ITGA11: variants seen among roughly 807,000 people sequenced by gnomAD.
The protein encoded by ITGA11 is integrin subunit alpha 11, also known as integrin alpha-11.
A neutral mutation model predicts 141.9 loss-of-function variants in ITGA11; 97 were observed. That is an observed-to-expected ratio of 0.68 (90% CI 0.58 to 0.81). The LOEUF (loss-of-function observed/expected upper bound fraction) is 0.81. Ranked by LOEUF, ITGA11 falls within the 30% of genes least tolerant of loss-of-function variation. The pLI is 0.00. For synonymous variants in ITGA11, 658 were observed against 624.6 expected (o/e 1.05, Z -0.80); for missense variants, 1,387 against 1,559.2 (o/e 0.89, Z 1.86).
intron 2 of ITGA11, among the ~76,000 whole-genome samples, chr15:68,394,131 G>A (rs560568864): frequency 2.0e-5 from 3 of 152,186 alleles, no homozygotes; most frequent in East Asian, 3.9e-4. Context: ...ATAAATTCTT[G>A]GAAGCATACA....
At chr15:68,405,595 C>T (rs1034503159) in intron 1 of ITGA11, among the ~76,000 whole-genome samples, 4 of 152,150 alleles carry the variant, frequency 2.6e-5, no homozygotes, top group African/African-American at 7.2e-5. Flanking sequence ...TGGCTAGCAG[C>T]GGGCAGCCTT....
chr15:68,364,951 G>A (rs746881698), intron 3 of ITGA11, among the ~76,000 whole-genome samples, 153 bp from the exon 4 acceptor site: 9 of 152,062 alleles, frequency 5.9e-5, no homozygotes, highest in Non-Finnish European at 7.4e-5. Flanking sequence ...TTCCCCAGAC[G>A]TACTCTCAGG....
At chr15:68,310,420 T>C (rs923980331) in intron 26 of ITGA11, among the ~76,000 whole-genome samples, 1 of 152,066 alleles carries the variant, frequency 6.6e-6, no homozygotes, top group South Asian at 2.1e-4. Flanking sequence ...CAGGGAAGAT[T>C]GTTGTCTGGG....
At chr15:68,402,124 T>C (rs1031491113) in intron 2 of ITGA11, among the ~76,000 whole-genome samples, 8 of 151,942 alleles carry the variant, frequency 5.3e-5, no homozygotes, top group Admixed American at 3.9e-4. Flanking sequence ...AGAACATTGA[T>C]CACGAGTGTT....
At position 68,315,668 on chromosome 15, in the gene ITGA11, G is replaced by T. The variant is rs759862763; in HGVS notation, c.2775C>A (p.Ile925=). ...SKSIFLHHLE[I]ELAAGSDSNE... ...GCCCTGACCTGCCTGCAGCGAGCTC[G>T]ATCTCCAGGTGGTGTAGGAAGATGG... The change falls in exon 22 of 30, where the codon ATC becomes ATA. Residue 925 remains isoleucine (I), a synonymous_variant. Coordinates refer to ENST00000315757, the MANE Select transcript of ITGA11 (RefSeq NM_001004439.2). 2 of 1,613,254 alleles carry T rather than the reference G, an allele frequency of 1.2e-6. No individual in the cohort carries two copies. The highest frequency in any genetic ancestry group is 1.1e-5 in the South Asian group (1 of 90,908).
At chr15:68,359,049 C>T (rs1434237541) in intron 5 of ITGA11, among the ~76,000 whole-genome samples, 2 of 152,164 alleles carry the variant, frequency 1.3e-5, no homozygotes, top group East Asian at 3.9e-4. Flanking sequence ...GGCTTTGGCA[C>T]TCCCTAGCTA....
chr15:68,378,456 G>T (rs904656941), intron 2 of ITGA11, among the ~76,000 whole-genome samples: 1 of 152,122 alleles, frequency 6.6e-6, no homozygotes, highest in East Asian at 1.9e-4. Context: ...AGCAGCCTGG[G>T]CAACATAGCA....
intron 18 of ITGA11, among the ~76,000 whole-genome samples, chr15:68,323,429 T>C (rs968037676): frequency 7.9e-5 from 12 of 152,176 alleles, no homozygotes; most frequent in African/African-American, 2.9e-4. Context: ...TTTAATGTAA[T>C]AAGCAACTGT....
chr15:68,389,596 C>T lies in ITGA11; in HGVS notation c.164+13322G>A, dbSNP rs372229106. Reference sequence around the variant, plus strand: ...AGTTGCTTTGCCTGTAAAATGGGGACAAATCTACTTCCCCTACAAGTTGCT... The same window carrying T: ...AGTTGCTTTGCCTGTAAAATGGGGATAAATCTACTTCCCCTACAAGTTGCT... On this transcript the variant is annotated intron_variant, in intron 2 of 29. Transcript: ENST00000315757. Among the ~76,000 whole-genome samples the T allele has an allele frequency of 5.1e-4, 78 of 152,342 alleles. No homozygotes were observed. In the East Asian group the frequency reaches 0.014, roughly 27 times the overall value.
Position 68,359,918 on chromosome 15 carries a change from G to A in ITGA11, c.473-1333C>T, listed in dbSNP as rs189908265. On this transcript the variant is annotated intron_variant, in intron 5 of 29. Coordinates refer to ENST00000315757, the MANE Select transcript of ITGA11 (RefSeq NM_001004439.2). The stretch of plus-strand genomic sequence containing the variant: ...TATAACAATGCTGCATGAACCTTTT[G>A]TGTGTTAACTGTTCCAGTAATTCTT... Among the ~76,000 whole-genome samples, 52 of 152,326 alleles carry A rather than the reference G, an allele frequency of 3.4e-4. No individual in the cohort carries two copies. The East Asian group carries it at 0.01, about 29-fold the overall frequency.
At chr15:68,317,177 A>G in intron 21 of ITGA11, 88 bp downstream of exon 21, 1 of 898,048 alleles carries the variant, frequency 1.1e-6, no homozygotes, top group East Asian at 2.4e-5. Flanking sequence ...TTCTGTGTTC[A>G]CTCTTGTTGC....
Position 68,378,824 on chromosome 15 carries a change from G to A in ITGA11, c.165-9540C>T, listed in dbSNP as rs115056837. Among the ~76,000 whole-genome samples, 543 of 152,282 alleles carry A rather than the reference G, an allele frequency of 3.6e-3. 4 individuals carry two copies. The highest frequency in any genetic ancestry group is 0.011 in the African/African-American group (453 of 41,568). ...AGCTTGGGCACACACCTGTTGACAA[G>A]TATCATCACAAACGTCAACTTCATA... On this transcript the variant is annotated intron_variant, in intron 2 of 29. Transcript: ENST00000315757.
rs1264981624 is a variant in ITGA11 at position 68,326,268 on chromosome 15, C to A, written c.2211+386G>T. Among the ~76,000 whole-genome samples the A allele has an allele frequency of 6.6e-6, 1 of 152,340 alleles. No homozygotes were observed. The highest frequency in any genetic ancestry group is 6.5e-5 in the Admixed American group (1 of 15,304). Reference sequence around the variant, plus strand: ...TCACTGGCGCCCCTCTCTGTCTCACCTCCTGTTTTGTACATGCCACTGTCT... The same window carrying A: ...TCACTGGCGCCCCTCTCTGTCTCACATCCTGTTTTGTACATGCCACTGTCT... On this transcript the variant is annotated intron_variant, in intron 17 of 29. Coordinates refer to ENST00000315757, the MANE Select transcript of ITGA11 (RefSeq NM_001004439.2). This position sits in a 1 kb window ranked among gnomAD's most constrained non-coding sequence, Gnocchi z 6.8.
chr15:68,398,212 T>C (rs1218616193), intron 2 of ITGA11, among the ~76,000 whole-genome samples: 1 of 151,792 alleles, frequency 6.6e-6, no homozygotes, highest in Non-Finnish European at 1.5e-5. Context: ...GACTGGCAAA[T>C]TGGATAGAGT....
At chr15:68,425,216 C>T (rs189276651) in intron 1 of ITGA11, among the ~76,000 whole-genome samples, 8 of 152,322 alleles carry the variant, frequency 5.3e-5, no homozygotes, top group South Asian at 2.1e-4. Context: ...TGAGCAGGGC[C>T]GGTTTGATGA....
Position 68,307,577 on chromosome 15 carries a change from TCTA to T in ITGA11, c.3285+6_3285+8del, listed in dbSNP as rs1257011233. ...CTTCCTTCCAGCCCAGCCCAGGGGC[TCTA>T]CTTACTGCTTTTAGGGACCTCAACC... On this transcript the variant is annotated splice_donor_region_variant and intron_variant, in intron 27 of 29. Transcript: ENST00000315757. The surrounding 1 kb of genome is among the most constrained non-coding windows in gnomAD (Gnocchi z 6.1). 1 of 1,600,850 alleles carries T rather than the reference TCTA, an allele frequency of 6.2e-7. No individual in the cohort carries two copies. The highest frequency in any genetic ancestry group is 8.6e-7 in the Non-Finnish European group (1 of 1,169,166).
In ITGA11 at chr15:68,325,328, A is replaced by G. The variant is rs1893940620; in HGVS notation, c.2212-87T>C. On this transcript the variant is annotated intron_variant, in intron 17 of 29. Transcript: ENST00000315757. This position sits in a 1 kb window ranked among gnomAD's most constrained non-coding sequence, Gnocchi z 5.5. ...CCGTGGATGCTGAGATAGAACTTCC[A>G]CCTTCCTTAGATGGCAGGGCAGCTG... is the stretch of plus-strand genomic sequence containing the variant. The G allele has an allele frequency of 1.1e-6, 1 of 908,488 alleles. No individual in the cohort carries two copies. The allele number at this position is 908,488 out of a possible 1,614,324, so 56.3% of individuals were successfully genotyped here.
chr15:68,348,895 T>C lies in ITGA11; in HGVS notation c.1066A>G (p.Asn356Asp). Reference sequence around the variant, plus strand: ...AGCCCAAAGGAGGTCTCGTTCTTGTTGGTGCCTGCAACAGAGTGACAGAGA... The same window carrying C: ...AGCCCAAAGGAGGTCTCGTTCTTGTCGGTGCCTGCAACAGAGTGACAGAGA... ...GDRIFSLEGT[N>D]KNETSFGLEM... The change falls in exon 10 of 30, where the codon AAC (asparagine) becomes GAC (aspartate). Residue 356 changes from asparagine (N) to aspartate (D), a missense_variant. Asn to Asp is a conservative substitution (Grantham distance 23). Transcript: ENST00000315757. 1 of 1,606,098 alleles carries C rather than the reference T, an allele frequency of 6.2e-7. No homozygotes were observed. The highest frequency in any genetic ancestry group is 8.5e-7 in the Non-Finnish European group (1 of 1,176,364).
In ITGA11 at chr15:68,325,016, G is replaced by A. The variant is rs1893924998; in HGVS notation, c.2322+115C>T. On this transcript the variant is annotated intron_variant, in intron 18 of 29. Coordinates refer to ENST00000315757, the MANE Select transcript of ITGA11 (RefSeq NM_001004439.2). The surrounding 1 kb of genome is among the most constrained non-coding windows in gnomAD (Gnocchi z 5.5). Reference sequence around the variant, plus strand: ...TTGCCAGGACAGGAGGTGGGAAGGTGAGATGAGGGATGGTGTCCTCTGTAC... The same window carrying A: ...TTGCCAGGACAGGAGGTGGGAAGGTAAGATGAGGGATGGTGTCCTCTGTAC... 4 of 762,806 alleles carry A rather than the reference G, an allele frequency of 5.2e-6. No homozygotes were observed. In the East Asian group the frequency reaches 7.7e-5, roughly 15 times the overall value. 47.3% of individuals were successfully genotyped at this position (762,806 alleles called of 1,614,324 possible).
Sources: gnomAD v4.1 joint callset for allele counts (sites outside exome capture counted in the v4.1 genomes callset) on GRCh38, gnomAD v4.1.1 for gene constraint, Gnocchi (gnomAD v3.1) non-coding constraint, MANE v1.5 for transcripts, NCBI Gene and HGNC (gene_info 2026-07-23, HGNC 2026-07-21) for gene names.